SLC67A1: variants seen among roughly 807,000 people sequenced by gnomAD.
The protein encoded by SLC67A1 is solute carrier family 67 member A1.
the SLC67A1 span, chr11:2,917,124 G>A: frequency 3.1e-3 from 775 of 250,914 alleles, 3 homozygotes; most frequent in Non-Finnish European, 4.9e-3. Flanking sequence ...TGAGTGTCCA[G>A]GGAGAGGCGA....
chr11:2,921,945 C>A, the SLC67A1 span: 5 of 674,906 alleles, frequency 7.4e-6, no homozygotes, highest in South Asian at 8.4e-5. Context: ...TAGGGAGAGA[C>A]CCCGGGGCTT....
chr11:2,917,014 G>C, the SLC67A1 span: 1 of 491,862 alleles, frequency 2.0e-6, no homozygotes, highest in Non-Finnish European at 3.8e-6. Flanking sequence ...GGGAGGCCCA[G>C]ACAGGGAAGG....
the SLC67A1 span, chr11:2,909,217 G>C: frequency 6.5e-7 from 1 of 1,537,826 alleles, no homozygotes; most frequent in Non-Finnish European, 8.7e-7. Flanking sequence ...AGCGCGGGGC[G>C]CGGGCGGCGC....
chr11:2,923,582 AC>A, the SLC67A1 span, among the ~76,000 whole-genome samples: 1 of 152,170 alleles, frequency 6.6e-6, no homozygotes, highest in Non-Finnish European at 1.5e-5. This position sits in a 1 kb window ranked among gnomAD's most constrained non-coding sequence, Gnocchi z 6.5. Context: ...CTGCCTGGGA[AC>A]CTCCAAGGCC....
At chr11:2,902,763 C>G in the SLC67A1 span, 1 of 984,742 alleles carries the variant, frequency 1.0e-6, no homozygotes, top group Non-Finnish European at 1.2e-6. Context: ...AGCTATGTCT[C>G]CCCTACGCAA....
At chr11:2,917,954 G>A in the SLC67A1 span, 1 of 1,556,868 alleles carries the variant, frequency 6.4e-7, no homozygotes, top group African/African-American at 1.4e-5. Flanking sequence ...TGGGACAATG[G>A]CCTTTGCAGG....
chr11:2,916,645 C>T, the SLC67A1 span: 5 of 1,612,368 alleles, frequency 3.1e-6, no homozygotes, highest in East Asian at 2.2e-5. Flanking sequence ...GCCATCCTGG[C>T]TGCCCTGGCC....
chr11:2,917,907 G>T, the SLC67A1 span: 1 of 1,134,646 alleles, frequency 8.8e-7, no homozygotes, highest in Admixed American at 2.5e-5. Context: ...AGGGCCCTCC[G>T]AATGGCGAGG....
At chr11:2,900,692 C>CAAAAAAAAAAAAAAAAAAAAA in the SLC67A1 span, among the ~76,000 whole-genome samples, 2 of 59,642 alleles carry the variant, frequency 3.4e-5, no homozygotes, top group South Asian at 8.4e-4. Context: ...GACTCCGTCT[C>CAAAAAAAAAAAAAAAAAAAAA]AAAAAAAAAA....
chr11:2,909,294 T>C, the SLC67A1 span: 1 of 1,534,248 alleles, frequency 6.5e-7, no homozygotes, highest in Non-Finnish European at 8.7e-7. Context: ...AGCCCGGCCC[T>C]GCCCGGGGTC....
At chr11:2,907,341 C>T in the SLC67A1 span, among the ~76,000 whole-genome samples, 2 of 152,204 alleles carry the variant, frequency 1.3e-5, no homozygotes, top group South Asian at 2.1e-4. The surrounding 1 kb of genome is among the most constrained non-coding windows in gnomAD (Gnocchi z 6.7). Context: ...GATCAAGGCT[C>T]CCTCTGAAAC....
the SLC67A1 span, among the ~76,000 whole-genome samples, chr11:2,908,559 T>A: frequency 6.6e-6 from 1 of 151,938 alleles, no homozygotes; most frequent in Non-Finnish European, 1.5e-5. Context: ...AGAGAGAGAG[T>A]GTGACTGGTG....
chr11:2,909,569 C>T, the SLC67A1 span: 11 of 1,525,636 alleles, frequency 7.2e-6, no homozygotes, highest in South Asian at 3.6e-5. Flanking sequence ...TCCCCCGCCC[C>T]GTCCCCAGCC....
At chr11:2,905,267 G>GCA in the SLC67A1 span, among the ~76,000 whole-genome samples, 7 of 152,132 alleles carry the variant, frequency 4.6e-5, no homozygotes, top group African/African-American at 1.4e-4. Context: ...CAGTGGTGAT[G>GCA]GAGGAGGGGC....
At chr11:2,907,620 A>G in the SLC67A1 span, among the ~76,000 whole-genome samples, 22 of 152,298 alleles carry the variant, frequency 1.4e-4, no homozygotes, top group South Asian at 1.7e-3. This position sits in a 1 kb window ranked among gnomAD's most constrained non-coding sequence, Gnocchi z 6.7. Context: ...TTTGGGGGGT[A>G]CACAATGAAG....
chr11:2,925,120 C>A, the SLC67A1 span: 10 of 1,613,806 alleles, frequency 6.2e-6, no homozygotes, highest in Non-Finnish European at 8.5e-6. The surrounding 1 kb of genome is among the most constrained non-coding windows in gnomAD (Gnocchi z 6.5). Flanking sequence ...CGGCCACGTG[C>A]AGGTTGCTAT....
chr11:2,916,691 C>G, the SLC67A1 span: 1 of 1,613,158 alleles, frequency 6.2e-7, no homozygotes, highest in Non-Finnish European at 8.5e-7. Context: ...TCACCTGCAT[C>G]CCCGCCAGCA....
chr11:2,911,789 C>T, the SLC67A1 span, among the ~76,000 whole-genome samples: 33 of 152,270 alleles, frequency 2.2e-4, no homozygotes, highest in African/African-American at 7.0e-4. Flanking sequence ...GGCCCGTCTA[C>T]GAGGCCACAG....
At chr11:2,918,096 G>T in the SLC67A1 span, 2 of 1,611,510 alleles carry the variant, frequency 1.2e-6, no homozygotes, top group South Asian at 1.1e-5. Context: ...TGCCCCACAG[G>T]TGAGTCCCAA....
Sources: gnomAD v4.1 joint callset for allele counts (sites outside exome capture counted in the v4.1 genomes callset) on GRCh38, gnomAD v4.1.1 for gene constraint, Gnocchi (gnomAD v3.1) non-coding constraint, MANE v1.5 for transcripts, NCBI Gene and HGNC (gene_info 2026-07-23, HGNC 2026-07-21) for gene names.